Variants in TMCC2 observed in about 807,000 individuals in gnomAD.
The protein encoded by TMCC2 is transmembrane and coiled-coil domains protein 2.
Under a neutral mutation model 49.4 loss-of-function variants are expected in TMCC2, and 16 were observed. That is an observed-to-expected ratio of 0.32 (90% confidence interval 0.22 to 0.49). The LOEUF (loss-of-function observed/expected upper bound fraction) is 0.49, where lower values mean the gene tolerates loss of function less well. Ranked by LOEUF, TMCC2 falls within the 20% of genes least tolerant of loss-of-function variation. The probability of loss-of-function intolerance (pLI) is 0.99; values close to 1 mark genes in which losing one functional copy is unlikely to be tolerated. For synonymous variants in TMCC2, 397 were observed against 434.1 expected (o/e 0.91, Z 1.06); for missense variants, 762 against 989.8 (o/e 0.77, Z 3.09).
rs112959075 is a variant in TMCC2, at chr1:205,243,383, C to G, written c.747+1339C>G. Among the ~76,000 whole-genome samples, 1,360 of 144,246 alleles carry G rather than the reference C, an allele frequency of 9.4e-3. 23 individuals are homozygous for G. The highest frequency in any genetic ancestry group is 0.032 in the African/African-American group (1,304 of 40,396). The allele number at this position is 144,246 out of a possible 152,430, so 94.6% of individuals were successfully genotyped here. On this transcript the variant is annotated intron_variant, in intron 2 of 4. Transcript: ENST00000358024. ...TGGGAGACAGAGCGAGACTTCGTCT[C>G]AAAAAAAAAGAAAAAACCAACAAAA...
intron 2 of TMCC2, chr1:205,267,830 C>T: frequency 1.2e-5 from 12 of 972,762 alleles, no homozygotes; most frequent in Non-Finnish European, 1.5e-5. Context: ...CATTTCCTTC[C>T]TACGCATTCA....
intron 2 of TMCC2, among the ~76,000 whole-genome samples, chr1:205,259,642 G>A (rs1043852705): frequency 1.3e-5 from 2 of 152,218 alleles, no homozygotes; most frequent in African/African-American, 4.8e-5. Context: ...AGGAAGCACC[G>A]GTGTCCCATG....
At chr1:205,265,326 A>G (rs1229612602) in intron 2 of TMCC2, among the ~76,000 whole-genome samples, 1 of 152,244 alleles carries the variant, frequency 6.6e-6, no homozygotes, top group Non-Finnish European at 1.5e-5. Flanking sequence ...AGCCAGAAAG[A>G]TGCCAAATCA....
Position 205,257,425 on chromosome 1 carries a change from T to C in TMCC2, c.748-11525T>C, listed in dbSNP as rs1382424524. The stretch of plus-strand genomic sequence containing the variant: ...CACCGGGCGGGGTGGAGTTGGGGGA[T>C]GGGAAAAGGCCTGTTCTGCAGTTAG... On this transcript the variant is annotated intron_variant, in intron 2 of 4. Coordinates refer to ENST00000358024, the MANE Select transcript of TMCC2 (RefSeq NM_014858.4). 23 of 1,228,952 alleles carry C rather than the reference T, an allele frequency of 1.9e-5. No homozygotes were observed. The East Asian group carries it at 7.3e-4, about 39-fold the overall frequency. 76.1% of individuals were successfully genotyped at this position (1,228,952 alleles called of 1,614,324 possible).
intron 4 of TMCC2, 139 bp downstream of exon 4, chr1:205,271,394 G>C: frequency 7.1e-7 from 1 of 1,409,544 alleles, no homozygotes; most frequent in Non-Finnish European, 9.9e-7. Flanking sequence ...CATGGATGAA[G>C]AGGGCAGCGT....
At chr1:205,257,467 T>TA (rs754905734) in intron 2 of TMCC2, 14 of 1,132,686 alleles carry the variant, frequency 1.2e-5, no homozygotes, top group Non-Finnish European at 1.6e-5. Context: ...GGGCTGTGCT[T>TA]ACACTCCAGT....
At position 205,256,911 on chromosome 1, in the gene TMCC2, G is replaced by A. The variant is rs77072763; in HGVS notation, c.748-12039G>A. On this transcript the variant is annotated intron_variant, in intron 2 of 4. Coordinates refer to ENST00000358024, the MANE Select transcript of TMCC2 (RefSeq NM_014858.4). The stretch of plus-strand genomic sequence containing the variant: ...AGTGCCTGTCTTCTGGGTGGTTGAA[G>A]GATGCAGGTGCACATGTCATGTGTC... Among the ~76,000 whole-genome samples, 332 of 152,264 alleles carry A rather than the reference G, an allele frequency of 2.2e-3. 1 individual carries two copies. Among genetic ancestry groups the A allele is most frequent in the African/African-American group, 7.4e-3 (306 of 41,546 alleles).
chr1:205,242,859 A>G (rs1660324707), intron 2 of TMCC2, among the ~76,000 whole-genome samples: 1 of 152,162 alleles, frequency 6.6e-6, no homozygotes, highest in Admixed American at 6.5e-5. Context: ...AAGAACTGGG[A>G]GAGGGGAAGG....
At chr1:205,243,897 C>A (rs995744354) in intron 2 of TMCC2, among the ~76,000 whole-genome samples, 2 of 152,190 alleles carry the variant, frequency 1.3e-5, no homozygotes, top group Non-Finnish European at 2.9e-5. Flanking sequence ...ACAGACCCAG[C>A]TGACATGTAA....
At chr1:205,244,016 GT>G (rs1429760143) in intron 2 of TMCC2, among the ~76,000 whole-genome samples, 4 of 152,250 alleles carry the variant, frequency 2.6e-5, no homozygotes, top group Non-Finnish European at 4.4e-5. Context: ...AGTAATCAGA[GT>G]GAAATGCATA....
Position 205,272,139 on chromosome 1 carries a change from C to T in TMCC2, c.*15C>T, listed in dbSNP as rs1661627040. ...TGCCCAGCTGAGTGGCCAGCCACACCAACCCTGTGCTCTCTGGCCCCCAGC... is the reference window on the plus strand; with the variant it reads ...TGCCCAGCTGAGTGGCCAGCCACACTAACCCTGTGCTCTCTGGCCCCCAGC... On this transcript the variant is annotated 3_prime_UTR_variant, in exon 5 of 5. Coordinates refer to ENST00000358024, the MANE Select transcript of TMCC2 (RefSeq NM_014858.4). 4.4e-6 allele frequency: 7 copies of T among 1,605,112 alleles called. No individual in the cohort carries two copies. The highest frequency in any genetic ancestry group is 6.0e-6 in the Non-Finnish European group (7 of 1,172,910).
rs775017003 is a variant in TMCC2 at position 205,241,892 on chromosome 1, C to T, written c.595C>T (p.Arg199Cys). The T allele has an allele frequency of 8.7e-6, 14 of 1,607,708 alleles. No individual in the cohort carries two copies. The highest frequency in any genetic ancestry group is 1.8e-4 in the Middle Eastern group (1 of 5,460). The change falls in exon 2 of 5, where the codon CGC (arginine) becomes TGC (cysteine). Residue 199 changes from arginine to cysteine, a missense_variant. Physicochemically the swap from Arg to Cys is radical, Grantham distance 180. This residue lies in a region of TMCC2 where 322 missense variants were observed against 353.1 expected (regional missense o/e 0.91). Coordinates refer to ENST00000358024, the MANE Select transcript of TMCC2 (RefSeq NM_014858.4). The surrounding 1 kb of genome is among the most constrained non-coding windows in gnomAD (Gnocchi z 7.3). Reference sequence around the variant, plus strand: ...CCAGCGTGGCAGCCCTCACCTGCTGCGCAAGGCCCCCCAGGACAGCAGCCT... The same window carrying T: ...CCAGCGTGGCAGCCCTCACCTGCTGTGCAAGGCCCCCCAGGACAGCAGCCT... ...EPQRGSPHLL[R>C]KAPQDSSLAA...
At chr1:205,229,369 A>G (rs914921557) in intron 1 of TMCC2, among the ~76,000 whole-genome samples, 1 of 151,668 alleles carries the variant, frequency 6.6e-6, no homozygotes, top group Non-Finnish European at 1.5e-5. Flanking sequence ...TTGTATTTTT[A>G]GTAGAGACGG....
In TMCC2 at chr1:205,271,100, A is replaced by T. The variant is rs1553376584; in HGVS notation, c.1683-20A>T. ...AGCTCGGGGAGCCAGGACTGGTGTC[A>T]CTCTCTCTCCCTCCGCCAGGTACGA... On this transcript the variant is annotated intron_variant, in intron 3 of 4. Transcript: ENST00000358024. 3.1e-5 allele frequency: 50 copies of T among 1,610,944 alleles called. No individual in the cohort carries two copies. The highest frequency in any genetic ancestry group is 4.2e-5 in the Non-Finnish European group (50 of 1,179,402).
At chr1:205,242,187 A>G (rs1660299745) in intron 2 of TMCC2, 143 bp downstream of exon 2, 1 of 972,082 alleles carries the variant, frequency 1.0e-6, no homozygotes, top group Non-Finnish European at 1.5e-6. Context: ...TACCTTGGTT[A>G]AAGGAGTCGG....
intron 2 of TMCC2, among the ~76,000 whole-genome samples, chr1:205,254,167 A>G (rs1660772688): frequency 6.6e-6 from 1 of 152,152 alleles, no homozygotes. Flanking sequence ...TGGATTTTAG[A>G]CCAGGTCTTC....
At chr1:205,257,634 G>C (rs1011757940) in intron 2 of TMCC2, among the ~76,000 whole-genome samples, 10 of 152,326 alleles carry the variant, frequency 6.6e-5, no homozygotes, top group African/African-American at 2.4e-4. Context: ...TCCAGAAGCT[G>C]TGGCTATGTG....
intron 3 of TMCC2, among the ~76,000 whole-genome samples, chr1:205,270,395 A>T (rs74139134): frequency 0.019 from 2,901 of 152,282 alleles, 90 homozygotes; most frequent in African/African-American, 0.066. Flanking sequence ...ATGAACCTCC[A>T]GTCGGAGCTC....
chr1:205,259,829 C>T (rs953253937), intron 2 of TMCC2, among the ~76,000 whole-genome samples: 2 of 152,294 alleles, frequency 1.3e-5, no homozygotes, highest in Non-Finnish European at 2.9e-5. Context: ...GAGGTGAGTC[C>T]GGGGTGCCAC....
Sources: allele counts gnomAD v4.1 joint callset (sites outside exome capture counted in the v4.1 genomes callset), GRCh38; gene constraint gnomAD v4.1.1; regional missense constraint gnomAD v4.1.1; non-coding constraint Gnocchi (gnomAD v3.1); transcripts MANE v1.5; gene names NCBI Gene and HGNC (gene_info 2026-07-23, HGNC 2026-07-21).